The following PNKD variants were observed in gnomAD, a reference collection of about 807,000 sequenced individuals.
PNKD encodes the protein probable thioesterase PNKD.
A neutral mutation model predicts 45.3 loss-of-function variants in PNKD; 36 were observed. The observed-to-expected ratio is 0.80, with a 90% CI of 0.61 to 1.05. The LOEUF is 1.05. PNKD is among the 50% of genes least tolerant of loss of function. The probability of loss-of-function intolerance (pLI) is 0.00; values close to 1 mark genes in which losing one functional copy is unlikely to be tolerated. For missense variants in PNKD, 511 were observed against 506.6 expected (o/e 1.01, Z -0.08); for synonymous variants, 197 against 210.1 (o/e 0.94, Z 0.54).
At chr2:218,321,789 A>T (rs1202376524) in intron 2 of PNKD, among the ~76,000 whole-genome samples, 1 of 149,436 alleles carries the variant, frequency 6.7e-6, no homozygotes, top group African/African-American at 2.5e-5. Flanking sequence ...CCACCATGCC[A>T]GGCTAATTTT....
rs186725215 is a variant in PNKD at position 218,338,314 on chromosome 2, T to C, written c.237-1469T>C. Reference sequence around the variant, plus strand: ...TGTCTCTACTAAAAATACAAAAAATTGCCGGGCATGGTGGTGTGAGCCTGT... The same window carrying C: ...TGTCTCTACTAAAAATACAAAAAATCGCCGGGCATGGTGGTGTGAGCCTGT... On this transcript the variant is annotated intron_variant, in intron 2 of 9. Coordinates refer to ENST00000273077, the MANE Select transcript of PNKD (RefSeq NM_015488.5). Among the ~76,000 whole-genome samples, 790 of 143,172 alleles carry C rather than the reference T, an allele frequency of 5.5e-3. 1 individual carries two copies. The highest frequency in any genetic ancestry group is 0.021 in the Middle Eastern group (5 of 236). The allele number at this position is 143,172 out of a possible 152,430, so 93.9% of individuals were successfully genotyped here.
intron 2 of PNKD, among the ~76,000 whole-genome samples, chr2:218,330,530 T>A: frequency 6.6e-6 from 1 of 152,240 alleles, no homozygotes; most frequent in East Asian, 1.9e-4. Flanking sequence ...GTGCTGGTGC[T>A]GTCTGCAGCT....
intron 2 of PNKD, among the ~76,000 whole-genome samples, chr2:218,324,028 G>C (rs372642455): frequency 6.6e-6 from 1 of 152,164 alleles, no homozygotes; most frequent in African/African-American, 2.4e-5. Flanking sequence ...GGAAGCCCCA[G>C]GCTGTGAAAT....
At chr2:218,328,811 C>T (rs538620156) in intron 2 of PNKD, among the ~76,000 whole-genome samples, 12 of 152,356 alleles carry the variant, frequency 7.9e-5, no homozygotes, top group Admixed American at 2.6e-4. Context: ...GTCTCCAGAC[C>T]GCCCCCAGCA....
chr2:218,331,190 G>A (rs1226513767), intron 2 of PNKD, among the ~76,000 whole-genome samples: 2 of 152,120 alleles, frequency 1.3e-5, no homozygotes, highest in Non-Finnish European at 2.9e-5. Flanking sequence ...CGAGGCAGGT[G>A]GATCACCTGA....
rs113997526 is a variant in PNKD, at chr2:218,292,991, A to G, written c.236+21442A>G. 9.0e-3 allele frequency among the ~76,000 whole-genome samples: 1,372 copies of G among 152,352 alleles called. 27 individuals are homozygous for G. The highest frequency in any genetic ancestry group is 0.031 in the African/African-American group (1,308 of 41,576). The stretch of plus-strand genomic sequence containing the variant: ...TTGCATGGCTATGCGGATTAAATTA[A>G]TTTCCTACTGGAGGCCGTTTGTTTC... On this transcript the variant is annotated intron_variant, in intron 2 of 9. Coordinates refer to ENST00000273077, the MANE Select transcript of PNKD (RefSeq NM_015488.5).
intron 2 of PNKD, chr2:218,279,212 ACCG>A: frequency 2.6e-6 from 4 of 1,558,170 alleles, no homozygotes; most frequent in Non-Finnish European, 3.5e-6. Context: ...AGCAGGGCCC[ACCG>A]CCACCCACAC....
chr2:218,334,039 C>T (rs573573485), intron 2 of PNKD, among the ~76,000 whole-genome samples: 2 of 149,820 alleles, frequency 1.3e-5, no homozygotes, highest in African/African-American at 2.5e-5. Flanking sequence ...TGCTTAAACC[C>T]GGGAGATGGA....
At chr2:218,279,105 G>T in intron 2 of PNKD, 2 of 1,614,056 alleles carry the variant, frequency 1.2e-6, no homozygotes, top group South Asian at 2.2e-5. Flanking sequence ...TGGGGCACAG[G>T]AGGACAGGAG....
At chr2:218,270,669 C>T (rs192040351) in intron 1 of PNKD, 67 bp downstream of exon 1, 3 of 481,200 alleles carry the variant, frequency 6.2e-6, no homozygotes, top group South Asian at 8.7e-5. Flanking sequence ...TCCAGCCCGA[C>T]GATAGCAGGA....
intron 2 of PNKD, among the ~76,000 whole-genome samples, chr2:218,282,723 C>A (rs528491091): frequency 1.3e-5 from 2 of 152,286 alleles, no homozygotes; most frequent in African/African-American, 4.8e-5. Context: ...CAAGCTAGCC[C>A]CAGTGCCAGA....
chr2:218,281,581 G>A (rs1427611367), intron 2 of PNKD, among the ~76,000 whole-genome samples: 2 of 152,196 alleles, frequency 1.3e-5, no homozygotes, highest in Non-Finnish European at 2.9e-5. Flanking sequence ...TAAGGAAGTC[G>A]ACAGGTCTGG....
chr2:218,272,453 G>A (rs993892885), intron 2 of PNKD: 8 of 917,250 alleles, frequency 8.7e-6, no homozygotes, highest in African/African-American at 1.6e-5. Context: ...AGGATGAATA[G>A]ACTATAAGAG....
intron 2 of PNKD, among the ~76,000 whole-genome samples, chr2:218,329,953 G>A (rs185361678): frequency 3.9e-5 from 6 of 152,316 alleles, no homozygotes; most frequent in African/African-American, 1.2e-4. Context: ...GTGCCCTGTC[G>A]TTGGTGAGAT....
chr2:218,320,455 C>A (rs937381551), intron 2 of PNKD, among the ~76,000 whole-genome samples: 2 of 152,176 alleles, frequency 1.3e-5, no homozygotes, highest in African/African-American at 4.8e-5. Flanking sequence ...GGAGTCCCAA[C>A]TACCGAGGAG....
At chr2:218,335,722 C>G (rs1375969863) in intron 2 of PNKD, among the ~76,000 whole-genome samples, 1 of 152,136 alleles carries the variant, frequency 6.6e-6, no homozygotes, top group African/African-American at 2.4e-5. Context: ...ACCATGTGCC[C>G]AGATTGCCAA....
chr2:218,340,635 T>A lies in PNKD; in HGVS notation c.466-93T>A. The A allele has an allele frequency of 1.1e-6, 1 of 889,608 alleles. No individual in the cohort carries two copies. The allele number at this position is 889,608 out of a possible 1,614,324, so 55.1% of individuals were successfully genotyped here. A position where few individuals can be genotyped will look rare whatever the true frequency, so the allele number is the denominator to read the frequency against. On this transcript the variant is annotated intron_variant, in intron 4 of 9. Transcript: ENST00000273077. The surrounding 1 kb of genome is among the most constrained non-coding windows in gnomAD (Gnocchi z 4.2). ...TGCTTCATCTCTCCATGCTCTCCTC[T>A]CCTCTCCACCAGCGCCCACACTCCT...
intron 2 of PNKD, among the ~76,000 whole-genome samples, chr2:218,292,866 G>A (rs1352483319): frequency 6.6e-6 from 1 of 152,150 alleles, no homozygotes; most frequent in Non-Finnish European, 1.5e-5. Context: ...ATTGTATGGT[G>A]TTTTGTTTAC....
At chr2:218,307,477 C>T (rs1257346644) in intron 2 of PNKD, among the ~76,000 whole-genome samples, 1 of 152,150 alleles carries the variant, frequency 6.6e-6, no homozygotes, top group Non-Finnish European at 1.5e-5. Flanking sequence ...AACCTACATC[C>T]CTCACATGCG....
Sources: gnomAD v4.1 joint callset for allele counts (sites outside exome capture counted in the v4.1 genomes callset) on GRCh38, gnomAD v4.1.1 for gene constraint, Gnocchi (gnomAD v3.1) non-coding constraint, MANE v1.5 for transcripts, NCBI Gene and HGNC (gene_info 2026-07-23, HGNC 2026-07-21) for gene names.